The following PRPSAP1 variants were observed in gnomAD, a reference collection of about 807,000 sequenced individuals.
PRPSAP1 encodes the protein phosphoribosyl pyrophosphate synthetase associated protein 1.
Under a neutral mutation model 39.4 loss-of-function variants are expected in PRPSAP1, and 31 were observed. The ratio of observed to expected loss-of-function variants is 0.79; its 90% confidence interval spans 0.59 to 1.06. The LOEUF (loss-of-function observed/expected upper bound fraction) is 1.06. Among genes scored for constraint, PRPSAP1 ranks in the 50% least tolerant of loss-of-function variants. The probability of loss-of-function intolerance (pLI) is 0.00; values close to 1 mark genes in which losing one functional copy is unlikely to be tolerated. For missense variants in PRPSAP1, 430 were observed against 511.6 expected, an observed-to-expected ratio of 0.84 and a Z score of 1.54; for synonymous variants, 212 against 192.6, an observed-to-expected ratio of 1.10 and a Z score of -0.83.
Position 76,311,201 on chromosome 17 carries a change from C to T in PRPSAP1, c.*341G>A, listed in dbSNP as rs537831847. On this transcript the variant is annotated 3_prime_UTR_variant, in exon 10 of 10. Transcript: ENST00000446526. ...CATCAATACCTCCATTTCCCTGGAG[C>T]TGAAACAACTAAATGAACATTATAG... 9.6e-5 allele frequency: 16 copies of T among 166,608 alleles called. No homozygotes were observed. The East Asian group carries it at 2.7e-3, about 28-fold the overall frequency. The allele number at this position is 166,608 out of a possible 1,614,324, so 10.3% of individuals were successfully genotyped here. A position where few individuals can be genotyped will look rare whatever the true frequency, so the allele number is the denominator to read the frequency against.
chr17:76,340,941 T>A (rs1202619783), intron 3 of PRPSAP1, among the ~76,000 whole-genome samples: 2 of 150,806 alleles, frequency 1.3e-5, no homozygotes, highest in Non-Finnish European at 2.9e-5. Flanking sequence ...GGGACTGTCT[T>A]TCACAAAACT....
chr17:76,323,299 G>A (rs963478232), intron 7 of PRPSAP1, among the ~76,000 whole-genome samples: 7 of 148,470 alleles, frequency 4.7e-5, no homozygotes, highest in Non-Finnish European at 7.4e-5. Flanking sequence ...CCGAGATTGC[G>A]CCACTGCACT....
chr17:76,335,669 T>G (rs914575847), intron 3 of PRPSAP1, among the ~76,000 whole-genome samples: 3 of 151,876 alleles, frequency 2.0e-5, no homozygotes, highest in African/African-American at 7.3e-5. Context: ...AAGTAGTGGG[T>G]TTTTAGCTGG....
intron 3 of PRPSAP1, among the ~76,000 whole-genome samples, chr17:76,343,188 T>C (rs1158118058): frequency 1.3e-5 from 2 of 152,156 alleles, no homozygotes; most frequent in African/African-American, 4.8e-5. Flanking sequence ...GATCAGGACA[T>C]GAAGGTCTGG....
At chr17:76,340,605 G>C (rs2071425161) in intron 3 of PRPSAP1, among the ~76,000 whole-genome samples, 1 of 149,992 alleles carries the variant, frequency 6.7e-6, no homozygotes, top group African/African-American at 2.5e-5. Context: ...AAATAACCAT[G>C]AACGGCCTCG....
rs781147307 is a variant in PRPSAP1 at position 76,311,618 on chromosome 17, A to G, written c.1082T>C (p.Leu361Pro). The G allele has an allele frequency of 4.3e-6, 7 of 1,614,226 alleles. No individual in the cohort carries two copies. In the East Asian group the frequency reaches 1.6e-4, roughly 36 times the overall value. The change falls in exon 10 of 10, where the codon CTT (leucine) becomes CCT (proline). Residue 361 changes from leucine to proline, a missense_variant. Transcript: ENST00000446526. ...KIKTVDISLI[L>P]SEAIRRIHNG... ...GTGGATTCTCCGAATGGCTTCAGAA[A>G]GAATCAAACTGATATCCACAGTCTT...
chr17:76,312,298 CT>C (rs2071077626), intron 9 of PRPSAP1, among the ~76,000 whole-genome samples: 1 of 151,950 alleles, frequency 6.6e-6, no homozygotes, highest in Non-Finnish European at 1.5e-5. Context: ...AAAATTAGGC[CT>C]GGTGGCCGGC....
chr17:76,314,154 T>C (rs2071096902), intron 7 of PRPSAP1: 1 of 476,930 alleles, frequency 2.1e-6, no homozygotes, highest in South Asian at 2.4e-5. Context: ...CATTTTATTT[T>C]ATGCAATTCC....
At chr17:76,313,087 C>T in intron 8 of PRPSAP1, 71 bp from the exon 9 acceptor site, 1 of 1,508,734 alleles carries the variant, frequency 6.6e-7, no homozygotes, top group South Asian at 1.3e-5. Flanking sequence ...GCACACACCA[C>T]TCTACTCTCT....
At chr17:76,318,373 C>T (rs2071146900) in intron 7 of PRPSAP1, among the ~76,000 whole-genome samples, 1 of 152,160 alleles carries the variant, frequency 6.6e-6, no homozygotes, top group East Asian at 1.9e-4. Context: ...TCGCTTGAAC[C>T]TGGGAGGCGG....
At chr17:76,325,684 C>T (rs2071248970) in intron 7 of PRPSAP1, among the ~76,000 whole-genome samples, 1 of 150,346 alleles carries the variant, frequency 6.7e-6, no homozygotes, top group African/African-American at 2.5e-5. Flanking sequence ...CTGTAAGCTC[C>T]ACCTCCATTC....
intron 7 of PRPSAP1, among the ~76,000 whole-genome samples, chr17:76,315,771 G>A (rs1484483297): frequency 7.5e-6 from 1 of 133,066 alleles, no homozygotes; most frequent in Non-Finnish European, 1.5e-5. Context: ...CTGGAGTGCA[G>A]TGGCACGATC....
At chr17:76,324,291 T>G (rs1373319143) in intron 7 of PRPSAP1, among the ~76,000 whole-genome samples, 1 of 151,640 alleles carries the variant, frequency 6.6e-6, no homozygotes, top group African/African-American at 2.4e-5. Flanking sequence ...GTACATCACC[T>G]GGCTGACATT....
intron 7 of PRPSAP1, among the ~76,000 whole-genome samples, chr17:76,327,013 T>C (rs1407754684): frequency 2.0e-5 from 3 of 152,184 alleles, no homozygotes; most frequent in Non-Finnish European, 4.4e-5. Context: ...TACTATTCTT[T>C]CAACTTTAAG....
At chr17:76,329,666 G>A (rs2071297910) in intron 6 of PRPSAP1, among the ~76,000 whole-genome samples, 1 of 151,892 alleles carries the variant, frequency 6.6e-6, no homozygotes, top group African/African-American at 2.4e-5. Context: ...AACCCAGGAG[G>A]CGGAGGTTGC....
Position 76,340,095 on chromosome 17 carries a change from G to A in PRPSAP1, c.290+4576C>T, listed in dbSNP as rs1049354256. Among the ~76,000 whole-genome samples, 7 of 147,932 alleles carry A rather than the reference G, an allele frequency of 4.7e-5. 1 individual carries two copies. Among genetic ancestry groups the A allele is most frequent in the South Asian group, 2.1e-4 (1 of 4,706 alleles). On this transcript the variant is annotated intron_variant, in intron 3 of 9. Coordinates refer to ENST00000446526, the MANE Select transcript of PRPSAP1 (RefSeq NM_002766.3). Reference sequence around the variant, plus strand: ...TGGGAGGTGGAGGCTGCAGTGAGCCGAGATCGTGCCACTGCACTCCAGCCT... The same window carrying A: ...TGGGAGGTGGAGGCTGCAGTGAGCCAAGATCGTGCCACTGCACTCCAGCCT...
intron 3 of PRPSAP1, among the ~76,000 whole-genome samples, chr17:76,334,637 A>T (rs2143510597): frequency 6.6e-6 from 1 of 152,282 alleles, no homozygotes; most frequent in Middle Eastern, 3.4e-3. Flanking sequence ...AAAAAACAAA[A>T]ACAAAAACAA....
At chr17:76,311,925 T>A (rs2071074466) in intron 9 of PRPSAP1, among the ~76,000 whole-genome samples, 1 of 152,140 alleles carries the variant, frequency 6.6e-6, no homozygotes, top group South Asian at 2.1e-4. Context: ...AATGGCATGG[T>A]CTCCATGCAG....
At position 76,351,342 on chromosome 17, in the gene PRPSAP1, C is replaced by T. The variant is rs529813741; in HGVS notation, c.170+2192G>A. Among the ~76,000 whole-genome samples, 10 of 152,156 alleles carry T rather than the reference C, an allele frequency of 6.6e-5. No individual in the cohort carries two copies. The East Asian group carries it at 1.4e-3, about 21-fold the overall frequency. ...CCAACCTGGCTAACACAGTGAAACC[C>T]GTCTCTACTAAAAATACAAAAAATT... is the stretch of plus-strand genomic sequence containing the variant. On this transcript the variant is annotated intron_variant, in intron 1 of 9. Transcript: ENST00000446526.
Sources: allele counts gnomAD v4.1 joint callset (sites outside exome capture counted in the v4.1 genomes callset), GRCh38; gene constraint gnomAD v4.1.1; transcripts MANE v1.5; gene names NCBI Gene and HGNC (gene_info 2026-07-23, HGNC 2026-07-21).